The following KIF9 variants were observed in gnomAD, a reference collection of about 807,000 sequenced individuals.
KIF9 encodes kinesin-like protein KIF9.
A neutral mutation model predicts 94.8 loss-of-function variants in KIF9; 68 were observed. The ratio of observed to expected loss-of-function variants is 0.72; its 90% CI spans 0.59 to 0.88. The LOEUF (loss-of-function observed/expected upper bound fraction) is 0.88, where lower values mean the gene tolerates loss of function less well. Ranked by LOEUF, KIF9 falls within the 40% of genes least tolerant of loss-of-function variation. The pLI is 0.00. For missense variants in KIF9, 882 were observed against 982.5 expected, an observed-to-expected ratio of 0.90 and a Z score of 1.37; for synonymous variants, 343 against 362.1, an observed-to-expected ratio of 0.95 and a Z score of 0.60.
chr3:47,265,887 A>C lies in KIF9; in HGVS notation c.769-10T>G, dbSNP rs764513076. Reference sequence around the variant, plus strand: ...GGACTTGGCCCTCAGACTACAAAGCAAAGGTCAGTTCCACTTTGGATGGAA... The same window carrying C: ...GGACTTGGCCCTCAGACTACAAAGCCAAGGTCAGTTCCACTTTGGATGGAA... On this transcript the variant is annotated splice_polypyrimidine_tract_variant and intron_variant, in intron 7 of 20. Transcript: ENST00000684063. 1 of 1,614,120 alleles carries C rather than the reference A, an allele frequency of 6.2e-7. No homozygotes were observed. The highest frequency in any genetic ancestry group is 8.5e-7 in the Non-Finnish European group (1 of 1,179,990).
rs533951491 is a variant in KIF9, at chr3:47,229,590, C to T, written c.2323-888G>A. ...AGAATTGAAAGAACATGGAATGGTT[C>T]GAGTATAACATTTGCATAAAAAGTC... On this transcript the variant is annotated intron_variant, in intron 20 of 20. Transcript: ENST00000684063. Among the ~76,000 whole-genome samples the T allele has an allele frequency of 1.2e-4, 18 of 152,036 alleles. No homozygotes were observed. The South Asian group carries it at 3.3e-3, about 28-fold the overall frequency.
chr3:47,269,178 T>C (rs1701479028), intron 5 of KIF9, among the ~76,000 whole-genome samples: 1 of 152,236 alleles, frequency 6.6e-6, no homozygotes. Flanking sequence ...TGAATAGCCA[T>C]TGCACATGTG....
chr3:47,255,901 G>A (rs946866248), intron 10 of KIF9, among the ~76,000 whole-genome samples: 39 of 143,914 alleles, frequency 2.7e-4, no homozygotes, highest in East Asian at 6.0e-4. Context: ...CTGTGATTGC[G>A]GGCGCGCGCC....
chr3:47,266,354 C>T (rs1295990061), intron 7 of KIF9, among the ~76,000 whole-genome samples: 3 of 152,146 alleles, frequency 2.0e-5, no homozygotes, highest in African/African-American at 7.2e-5. Flanking sequence ...CATATTCATT[C>T]ACAAAGAAGC....
rs947703772 is a variant in KIF9 at position 47,271,260 on chromosome 3, C to T, written c.568G>A (p.Asp190Asn). The change falls in exon 5 of 21, where the codon GAT becomes AAT. Residue 190 changes from aspartate (D) to asparagine (N), a missense_variant. Transcript: ENST00000684063. ...LSVHLTSQEE[D>N]AFSLLFEGET... is the part of the protein sequence containing the mutation. ...ACCTCAAAAAGGAGGCTGAATGCAT[C>T]CTCCTCCTGACTTGTGAGGTGAACT... is the stretch of plus-strand genomic sequence containing the variant. 6.2e-7 allele frequency: 1 copy of T among 1,613,640 alleles called. No individual in the cohort carries two copies. The highest frequency in any genetic ancestry group is 1.3e-5 in the African/African-American group (1 of 74,884).
At chr3:47,235,832 G>C (rs115961092) in intron 19 of KIF9, among the ~76,000 whole-genome samples, 1 of 152,324 alleles carries the variant, frequency 6.6e-6, no homozygotes, top group African/African-American at 2.4e-5. Context: ...CTTTAGAAAG[G>C]TGGCAGTAGT....
chr3:47,255,467 C>A (rs1700512868), intron 10 of KIF9, among the ~76,000 whole-genome samples: 1 of 152,156 alleles, frequency 6.6e-6, no homozygotes. Flanking sequence ...CACACTTTAG[C>A]CCTTAGCTCT....
chr3:47,245,672 T>G (rs147049462), intron 13 of KIF9, 161 bp from the exon 14 acceptor site: 1 of 628,366 alleles, frequency 1.6e-6, no homozygotes, highest in East Asian at 2.8e-5. Flanking sequence ...AAGGACTCAC[T>G]TCCCCCTGCC....
At chr3:47,281,672 T>A (rs1422544404) in intron 1 of KIF9, among the ~76,000 whole-genome samples, 1 of 152,150 alleles carries the variant, frequency 6.6e-6, no homozygotes, top group African/African-American at 2.4e-5. Context: ...CTCAGGACCT[T>A]GTGGGGAATG....
chr3:47,260,533 A>T (rs1268895208), intron 9 of KIF9, among the ~76,000 whole-genome samples: 1 of 152,158 alleles, frequency 6.6e-6, no homozygotes, highest in African/African-American at 2.4e-5. Context: ...GATAGGGCCA[A>T]CCCTTCCACA....
At chr3:47,232,935 C>T (rs1698710560) in intron 20 of KIF9, among the ~76,000 whole-genome samples, 1 of 145,332 alleles carries the variant, frequency 6.9e-6, no homozygotes, top group Non-Finnish European at 1.5e-5. Context: ...GAGCCGAGAT[C>T]ACGCCACTGC....
chr3:47,246,413 A>C, intron 12 of KIF9, 161 bp from the exon 13 acceptor site: 1 of 449,164 alleles, frequency 2.2e-6, no homozygotes, highest in East Asian at 3.5e-5. Flanking sequence ...GTGGCAGCCA[A>C]GCCCTCCTCC....
intron 7 of KIF9, chr3:47,266,119 C>T (rs73069121): frequency 0.019 from 8,269 of 431,748 alleles, 115 homozygotes; most frequent in Non-Finnish European, 0.026. Context: ...AATGTGAATG[C>T]TTACATGAAT....
At chr3:47,240,760 G>T in intron 17 of KIF9, 41 bp downstream of exon 17, 1 of 1,551,000 alleles carries the variant, frequency 6.4e-7, no homozygotes, top group South Asian at 1.1e-5. Flanking sequence ...GCATGACTCT[G>T]AGACCCCAAA....
At chr3:47,250,209 G>A (rs1700182632) in intron 10 of KIF9, among the ~76,000 whole-genome samples, 2 of 152,104 alleles carry the variant, frequency 1.3e-5, no homozygotes, top group East Asian at 1.9e-4. Flanking sequence ...TGTGCTGCCC[G>A]GTATGGTAAT....
rs926959595 is a variant in KIF9, at chr3:47,235,967, C to T, written c.2217+67G>A. 20 of 1,170,128 alleles carry T rather than the reference C, an allele frequency of 1.7e-5. No homozygotes were observed. In the South Asian group the frequency reaches 1.7e-4, roughly 10 times the overall value. 72.5% of individuals were successfully genotyped at this position (1,170,128 alleles called of 1,614,324 possible). ...CTGCCATCTTTGTGTTGAGAACAGA[C>T]ATCAAGGGGCACTGCCCATTGCCCC... On this transcript the variant is annotated intron_variant, in intron 19 of 20. Coordinates refer to ENST00000684063, the MANE Select transcript of KIF9 (RefSeq NM_182902.4).
At chr3:47,257,893 T>C (rs1189013127) in intron 9 of KIF9, among the ~76,000 whole-genome samples, 1 of 152,202 alleles carries the variant, frequency 6.6e-6, no homozygotes, top group Non-Finnish European at 1.5e-5. Flanking sequence ...AGTACCCTTT[T>C]CTGTCCTCCT....
Position 47,247,487 on chromosome 3 carries a change from G to C in KIF9, c.1129-10C>G, listed in dbSNP as rs749072536. 6.3e-7 allele frequency: 1 copy of C among 1,599,598 alleles called. No homozygotes were observed. The highest frequency in any genetic ancestry group is 1.3e-5 in the African/African-American group (1 of 74,776). On this transcript the variant is annotated splice_polypyrimidine_tract_variant and intron_variant, in intron 11 of 20. Coordinates refer to ENST00000684063, the MANE Select transcript of KIF9 (RefSeq NM_182902.4). The stretch of plus-strand genomic sequence containing the variant: ...CAAAGGTGCGGTTGGTCTTGAAGGA[G>C]GATGAAGAACATGTGGATAAGCAAC...
chr3:47,251,469 C>A (rs1700266764), intron 10 of KIF9, among the ~76,000 whole-genome samples: 1 of 152,206 alleles, frequency 6.6e-6, no homozygotes, highest in African/African-American at 2.4e-5. Context: ...CAGGCTGAGG[C>A]AGGAGAATGG....
Sources: allele counts gnomAD v4.1 joint callset (sites outside exome capture counted in the v4.1 genomes callset), GRCh38; gene constraint gnomAD v4.1.1; transcripts MANE v1.5; gene names NCBI Gene and HGNC (gene_info 2026-07-23, HGNC 2026-07-21).